Variants in CFTR observed in about 807,000 individuals in gnomAD.
CFTR encodes CF transmembrane conductance regulator.
In CFTR, 181 loss-of-function variants were observed where a neutral mutation model predicts 171.6. That is an observed-to-expected ratio of 1.05 (90% CI 0.93 to 1.19). The LOEUF (loss-of-function observed/expected upper bound fraction) is 1.19. CFTR is among the 50% of genes most tolerant of loss of function. The pLI is 0.00. For synonymous variants in CFTR, 583 were observed against 608.0 expected (o/e 0.96, Z 0.60); for missense variants, 1,968 against 1,734.7 (o/e 1.13, Z -2.39).
rs121909006 is a variant in CFTR at position 117,590,360 on chromosome 7, T to G, written c.1687T>G (p.Tyr563Asp). The G allele has an allele frequency of 6.2e-7, 1 of 1,603,138 alleles. No individual in the cohort carries two copies. Among genetic ancestry groups the G allele is most frequent in the African/African-American group, 1.3e-5 (1 of 74,812 alleles). Reference sequence around the variant, plus strand: ...TTTCCATTTTCTTTTTAGAGCAGTATACAAAGATGCTGATTTGTATTTATT... The same window carrying G: ...TTTCCATTTTCTTTTTAGAGCAGTAGACAAAGATGCTGATTTGTATTTATT... The part of the protein sequence containing the change: ...RARISLARAV[Y>D]KDADLYLLDS... Residue 563 changes from tyrosine to aspartate, a missense_variant, in exon 13 of 27, where the codon TAC (tyrosine) becomes GAC (aspartate). Tyr to Asp is a radical substitution (Grantham distance 160, BLOSUM62 -3). Coordinates refer to ENST00000003084, the MANE Select transcript of CFTR (RefSeq NM_000492.4).
intron 3 of CFTR, among the ~76,000 whole-genome samples, chr7:117,510,702 C>T (rs1343392589): frequency 6.6e-6 from 1 of 152,062 alleles, no homozygotes; most frequent in African/African-American, 2.4e-5. Flanking sequence ...CAAAAACACC[C>T]ACCTAAATGT....
At chr7:117,597,599 A>G (rs1168463983) in intron 15 of CFTR, among the ~76,000 whole-genome samples, 1 of 152,248 alleles carries the variant, frequency 6.6e-6, no homozygotes, top group East Asian at 1.9e-4. Context: ...CAGCTGCTCT[A>G]GATATTTTAT....
At chr7:117,548,205 G>A (rs986761850) in intron 9 of CFTR, among the ~76,000 whole-genome samples, 23 of 152,142 alleles carry the variant, frequency 1.5e-4, no homozygotes, top group Non-Finnish European at 2.9e-5. Context: ...TTAAAGCTGT[G>A]TGACTTTAGT....
At chr7:117,568,467 A>G (rs1309085408) in intron 11 of CFTR, among the ~76,000 whole-genome samples, 1 of 152,124 alleles carries the variant, frequency 6.6e-6, no homozygotes, top group East Asian at 1.9e-4. Flanking sequence ...GAAGGAGTAA[A>G]TTTCTTCTCA....
At chr7:117,528,064 G>A (rs1345610444) in intron 3 of CFTR, among the ~76,000 whole-genome samples, 8 of 136,068 alleles carry the variant, frequency 5.9e-5, no homozygotes, top group African/African-American at 1.1e-4. Flanking sequence ...CAAGTCAATC[G>A]TAAGCCAAAA....
intron 21 of CFTR, among the ~76,000 whole-genome samples, chr7:117,623,017 C>T (rs537377506): frequency 1.4e-4 from 21 of 152,190 alleles, no homozygotes; most frequent in African/African-American, 5.1e-4. Flanking sequence ...TAAGGATTGA[C>T]CCCTTCTCAA....
At chr7:117,577,213 T>C (rs1450586510) in intron 11 of CFTR, among the ~76,000 whole-genome samples, 1 of 152,130 alleles carries the variant, frequency 6.6e-6, no homozygotes, top group Non-Finnish European at 1.5e-5. Flanking sequence ...AAAACTTCAA[T>C]GTGGCTGAAG....
intron 4 of CFTR, 88 bp from the exon 5 acceptor site, chr7:117,534,188 A>G: frequency 2.9e-6 from 2 of 693,402 alleles, no homozygotes; most frequent in East Asian, 5.5e-5. Context: ...TGAATGCATA[A>G]TAACTGAATT....
At chr7:117,515,461 T>C (rs928744413) in intron 3 of CFTR, among the ~76,000 whole-genome samples, 10 of 152,190 alleles carry the variant, frequency 6.6e-5, no homozygotes, top group Non-Finnish European at 4.4e-5. Flanking sequence ...CAGATGGTTG[T>C]AGATGTGTGG....
intron 1 of CFTR, among the ~76,000 whole-genome samples, chr7:117,495,498 T>G (rs1798223266): frequency 6.6e-6 from 1 of 152,190 alleles, no homozygotes; most frequent in Non-Finnish European, 1.5e-5. Context: ...GGCCTTTCAA[T>G]GCCAATGGTA....
At chr7:117,549,557 T>C (rs76083963) in intron 10 of CFTR, among the ~76,000 whole-genome samples, 181 of 152,270 alleles carry the variant, frequency 1.2e-3, no homozygotes, top group African/African-American at 4.1e-3. Flanking sequence ...AGGAAATAAA[T>C]TTAAAGACAT....
chr7:117,622,428 T>G (rs1272957255), intron 21 of CFTR, among the ~76,000 whole-genome samples: 2 of 152,146 alleles, frequency 1.3e-5, no homozygotes, highest in Non-Finnish European at 2.9e-5. Context: ...CTGGGAAGGA[T>G]TTATGATTTA....
intron 8 of CFTR, among the ~76,000 whole-genome samples, chr7:117,541,230 T>C (rs780533854): frequency 6.6e-6 from 1 of 151,474 alleles, no homozygotes; most frequent in Non-Finnish European, 1.5e-5. Context: ...TGTTAGCCCA[T>C]TGAGAGAGAA....
At chr7:117,627,484 C>T in intron 21 of CFTR, 38 bp from the exon 22 acceptor site, 1 of 1,609,472 alleles carries the variant, frequency 6.2e-7, no homozygotes, top group Non-Finnish European at 8.5e-7. Context: ...AATTGTCTGC[C>T]ATTCTTAAAA....
At chr7:117,644,336 C>G (rs553760191) in intron 23 of CFTR, among the ~76,000 whole-genome samples, 1 of 151,478 alleles carries the variant, frequency 6.6e-6, no homozygotes, top group South Asian at 2.1e-4. Context: ...TTTTTGATGT[C>G]GAAACCAAGA....
At chr7:117,653,021 G>A (rs565429723) in intron 24 of CFTR, 90 bp downstream of exon 24, 1 of 837,672 alleles carries the variant, frequency 1.2e-6, no homozygotes, top group South Asian at 1.3e-5. Flanking sequence ...CACACTTTGT[G>A]TGCATGTATG....
chr7:117,480,468 C>A (rs1214871373), intron 1 of CFTR, among the ~76,000 whole-genome samples: 1 of 152,080 alleles, frequency 6.6e-6, no homozygotes, highest in African/African-American at 2.4e-5. Context: ...TAATAAGTAC[C>A]TAAGTATGGT....
In CFTR at chr7:117,644,590, A is replaced by G. The variant is rs1307825555; in HGVS notation, c.3873+1997A>G. Among the ~76,000 whole-genome samples the G allele has an allele frequency of 3.3e-5, 5 of 152,192 alleles. No homozygotes were observed. The East Asian group carries it at 9.6e-4, about 29-fold the overall frequency. ...CAATGGATCATTTGTTTTCAGACAT[A>G]TGAAACAGGAACTTTGAACAAGAAA... On this transcript the variant is annotated intron_variant, in intron 23 of 26. Coordinates refer to ENST00000003084, the MANE Select transcript of CFTR (RefSeq NM_000492.4).
intron 1 of CFTR, among the ~76,000 whole-genome samples, chr7:117,484,294 T>G (rs1276545455): frequency 6.6e-6 from 1 of 152,224 alleles, no homozygotes; most frequent in Non-Finnish European, 1.5e-5. Context: ...CAATATGTGT[T>G]GAACAATTAT....
Sources: gnomAD v4.1 joint callset for allele counts (sites outside exome capture counted in the v4.1 genomes callset) on GRCh38, gnomAD v4.1.1 for gene constraint, MANE v1.5 for transcripts, NCBI Gene and HGNC (gene_info 2026-07-23, HGNC 2026-07-21) for gene names.